Variants in RALGAPA1 observed in about 807,000 individuals in gnomAD.
RALGAPA1 encodes the protein ral GTPase-activating protein subunit alpha-1.
RALGAPA1 carries 52 observed loss-of-function variants against 269.6 expected under a neutral mutation model. That is an observed-to-expected ratio of 0.19 (90% CI 0.15 to 0.24). RALGAPA1 has a LOEUF of 0.24. RALGAPA1 is among the 10% of genes least tolerant of loss of function. The probability of loss-of-function intolerance (pLI) is 1.00; values close to 1 mark genes in which losing one functional copy is unlikely to be tolerated. For synonymous variants in RALGAPA1, 817 were observed against 1,008.3 expected (o/e 0.81, Z 3.60); for missense variants, 1,917 against 3,013.9 (o/e 0.64, Z 8.52).
At chr14:35,762,900 G>C (rs2073850301) in intron 4 of RALGAPA1, 147 bp from the exon 5 acceptor site, 4 of 582,262 alleles carry the variant, frequency 6.9e-6, no homozygotes, top group African/African-American at 1.9e-5. Context: ...TGCCATACTT[G>C]GGATCAGAAG....
At chr14:35,724,667 C>A (rs1241763409) in intron 14 of RALGAPA1, among the ~76,000 whole-genome samples, 1 of 152,056 alleles carries the variant, frequency 6.6e-6, no homozygotes, top group Non-Finnish European at 1.5e-5. Context: ...GATACGGAAA[C>A]TCATAAAGCA....
At chr14:35,648,396 G>A (rs2062595333) in intron 31 of RALGAPA1, among the ~76,000 whole-genome samples, 1 of 151,144 alleles carries the variant, frequency 6.6e-6, no homozygotes, top group Non-Finnish European at 1.5e-5. Context: ...AACCTAGGAG[G>A]CGGAGATTGC....
At chr14:35,611,505 G>GA (rs35288393) in intron 35 of RALGAPA1, among the ~76,000 whole-genome samples, 27,479 of 107,918 alleles carry the variant, frequency 0.25, 3,240 homozygotes, top group African/African-American at 0.41. Flanking sequence ...TCTCAAAAAA[G>GA]AAAAAAAAAA....
At chr14:35,645,512 C>T (rs1273821728) in intron 31 of RALGAPA1, among the ~76,000 whole-genome samples, 6 of 151,966 alleles carry the variant, frequency 3.9e-5, no homozygotes, top group Non-Finnish European at 7.4e-5. Flanking sequence ...AGGCAGATCA[C>T]GAGGTCAGGA....
intron 4 of RALGAPA1, chr14:35,765,831 G>C: frequency 1.6e-6 from 1 of 615,594 alleles, no homozygotes; most frequent in Non-Finnish European, 2.9e-6. Context: ...CAAATATGCT[G>C]AAAGGTAATG....
In RALGAPA1 at chr14:35,632,287, A is replaced by C. The variant is rs1044669508; in HGVS notation, c.5995+2287T>G. ...TTAGATATTTAAAATAAAATTCTAA[A>C]ATAACCAGTCTTGTGAGAAAATGTA... is the stretch of plus-strand genomic sequence containing the variant. On this transcript the variant is annotated intron_variant, in intron 33 of 41. Coordinates refer to ENST00000680220, the MANE Select transcript of RALGAPA1 (RefSeq NM_001346249.2). Among the ~76,000 whole-genome samples, 16 of 152,206 alleles carry C rather than the reference A, an allele frequency of 1.1e-4. 1 individual carries two copies. Among genetic ancestry groups the C allele is most frequent in the Admixed American group, 2.6e-4 (4 of 15,284 alleles).
At chr14:35,561,700 G>A (rs1237468578) in intron 39 of RALGAPA1, among the ~76,000 whole-genome samples, 3 of 151,864 alleles carry the variant, frequency 2.0e-5, no homozygotes, top group Non-Finnish European at 2.9e-5. Flanking sequence ...AGTAGAGACA[G>A]GGTTTCACTA....
chr14:35,793,562 C>T (rs1284160244), intron 1 of RALGAPA1, among the ~76,000 whole-genome samples: 2 of 151,474 alleles, frequency 1.3e-5, no homozygotes, highest in East Asian at 2.0e-4. Context: ...TAATGTGTAC[C>T]TTCAGTGAGA....
chr14:35,740,128 T>C (rs2071409855), intron 11 of RALGAPA1, among the ~76,000 whole-genome samples: 1 of 152,168 alleles, frequency 6.6e-6, no homozygotes, highest in Non-Finnish European at 1.5e-5. Flanking sequence ...CATGAAGCAT[T>C]CCCTGATTTC....
Position 35,654,409 on chromosome 14 carries a change from T to C in RALGAPA1, c.5565A>G (p.Arg1855=), listed in dbSNP as rs765443613. ...GAGAATCAGGCTGGTAAATCTGAAG[T>C]CTAGGTACATAATGAACCAGCATGT... ...MLHMLVHYVP[R]LQIYQPDSPL... Residue 1855 remains arginine, a synonymous_variant, in exon 30 of 42, where the codon AGA becomes AGG. Coordinates refer to ENST00000680220, the MANE Select transcript of RALGAPA1 (RefSeq NM_001346249.2). 4.4e-6 allele frequency: 7 copies of C among 1,606,152 alleles called. No homozygotes were observed. The highest frequency in any genetic ancestry group is 5.9e-6 in the Non-Finnish European group (7 of 1,178,208).
At chr14:35,794,231 T>A (rs1000187653) in intron 1 of RALGAPA1, among the ~76,000 whole-genome samples, 1 of 151,162 alleles carries the variant, frequency 6.6e-6, no homozygotes, top group African/African-American at 2.4e-5. Flanking sequence ...TCCCAGCACT[T>A]TGGGAGGTCG....
rs1423007413 is a variant in RALGAPA1, at chr14:35,808,991, C to A, written c.-156G>T. Reference sequence around the variant, plus strand: ...AGGGCAGAGCCGACTCCTTCCCGATCCAGGCCAGGGCCGCCACCTCCACCC... The same window carrying A: ...AGGGCAGAGCCGACTCCTTCCCGATACAGGCCAGGGCCGCCACCTCCACCC... On this transcript the variant is annotated 5_prime_UTR_variant, in exon 1 of 42. Transcript: ENST00000680220. 7.1e-6 allele frequency: 10 copies of A among 1,403,240 alleles called. No homozygotes were observed. In the African/African-American group the frequency reaches 1.3e-4, roughly 18 times the overall value. The allele number at this position is 1,403,240 out of a possible 1,614,324, so 86.9% of individuals were successfully genotyped here.
intron 1 of RALGAPA1, among the ~76,000 whole-genome samples, chr14:35,784,246 G>T (rs1171735650): frequency 6.6e-6 from 1 of 152,030 alleles, no homozygotes; most frequent in Non-Finnish European, 1.5e-5. Flanking sequence ...TGAATGGATA[G>T]ACAAAATATG....
At chr14:35,562,177 T>C (rs2056313956) in intron 39 of RALGAPA1, among the ~76,000 whole-genome samples, 1 of 152,194 alleles carries the variant, frequency 6.6e-6, no homozygotes, top group South Asian at 2.1e-4. Context: ...TGAGAGCTCC[T>C]AATGGACTCA....
In RALGAPA1 at chr14:35,739,643, C is replaced by T. The variant is rs139274741; in HGVS notation, c.1450-993G>A. Among the ~76,000 whole-genome samples the T allele has an allele frequency of 2.6e-4, 39 of 152,260 alleles. 1 individual carries two copies. The highest frequency in any genetic ancestry group is 9.4e-4 in the African/African-American group (39 of 41,558). On this transcript the variant is annotated intron_variant, in intron 11 of 41. Transcript: ENST00000680220. ...GTGTGAATGGCAACTACTCTGGTTG[C>T]AAAAGAAAGAAACTTGCGACACCTC...
At chr14:35,663,419 TA>T (rs1221697611) in intron 27 of RALGAPA1, among the ~76,000 whole-genome samples, 1 of 148,730 alleles carries the variant, frequency 6.7e-6, no homozygotes, top group Non-Finnish European at 1.5e-5. Flanking sequence ...AAGCAAGTTT[TA>T]AAAAAAACAA....
At chr14:35,582,651 T>C (rs1435073617) in intron 37 of RALGAPA1, among the ~76,000 whole-genome samples, 2 of 152,218 alleles carry the variant, frequency 1.3e-5, no homozygotes, top group African/African-American at 4.8e-5. Flanking sequence ...GTGAGTTTTA[T>C]TTCCAAGAGC....
rs907296425 is a variant in RALGAPA1, at chr14:35,655,750, G to A, written c.5496+57C>T. On this transcript the variant is annotated intron_variant, in intron 29 of 41. Coordinates refer to ENST00000680220, the MANE Select transcript of RALGAPA1 (RefSeq NM_001346249.2). ...ACACAAGATACCATTAATATTTGGA[G>A]AAAAAAATATGCATTCTCTCCTATC... is the stretch of plus-strand genomic sequence containing the variant. 6 of 1,565,398 alleles carry A rather than the reference G, an allele frequency of 3.8e-6. No homozygotes were observed. The African/African-American group carries it at 4.1e-5, about 11-fold the overall frequency.
At chr14:35,544,422 C>A (rs2054276872) in intron 41 of RALGAPA1, among the ~76,000 whole-genome samples, 1 of 152,188 alleles carries the variant, frequency 6.6e-6, no homozygotes, top group Non-Finnish European at 1.5e-5. Context: ...ACTAGCTTGA[C>A]AAAGTACCAG....
Sources: gnomAD v4.1 joint callset for allele counts (sites outside exome capture counted in the v4.1 genomes callset) on GRCh38, gnomAD v4.1.1 for gene constraint, MANE v1.5 for transcripts, NCBI Gene and HGNC (gene_info 2026-07-23, HGNC 2026-07-21) for gene names.